Variants in BBS5 observed in about 807,000 individuals in gnomAD.
BBS5 encodes the protein BBSome complex member BBS5.
A neutral mutation model predicts 50.2 loss-of-function variants in BBS5; 39 were observed. The ratio of observed to expected loss-of-function variants is 0.78; its 90% CI spans 0.60 to 1.01. The LOEUF is 1.01. Ranked by LOEUF, BBS5 falls within the 50% of genes least tolerant of loss-of-function variation. The probability of loss-of-function intolerance (pLI) is 0.00; values close to 1 mark genes in which losing one functional copy is unlikely to be tolerated. For synonymous variants in BBS5, 134 were observed against 133.1 expected, an observed-to-expected ratio of 1.01 and a Z score of -0.05; for missense variants, 356 against 401.5, an observed-to-expected ratio of 0.89 and a Z score of 0.97.
intron 2 of BBS5, among the ~76,000 whole-genome samples, chr2:169,485,106 G>C (rs1683466921): frequency 6.6e-6 from 1 of 152,064 alleles, no homozygotes; most frequent in African/African-American, 2.4e-5. Context: ...GGGACCGACA[G>C]AAAAATATAA....
At chr2:169,499,849 T>G (rs1683765882) in intron 9 of BBS5, among the ~76,000 whole-genome samples, 1 of 152,252 alleles carries the variant, frequency 6.6e-6, no homozygotes, top group South Asian at 2.1e-4. Context: ...CCTGCCCTTG[T>G]AGGTGGGCAG....
chr2:169,488,026 A>G lies in BBS5; in HGVS notation c.298A>G (p.Lys100Glu). Reference protein sequence around the residue: ...GQTEALYILTKCNSTRFEFIF... With the variant: ...GQTEALYILTECNSTRFEFIF... The stretch of plus-strand genomic sequence containing the variant: ...AACTGAAGCTCTCTATATACTAACA[A>G]AATGTAACAGTACTCGTTTTGAATT... Residue 100 changes from lysine to glutamate, a missense_variant, in exon 5 of 12, where the codon AAA becomes GAA. Transcript: ENST00000295240. The G allele has an allele frequency of 6.2e-7, 1 of 1,613,782 alleles. No individual in the cohort carries two copies. Among genetic ancestry groups the G allele is most frequent in the Admixed American group, 1.7e-5 (1 of 60,020 alleles).
At chr2:169,489,851 C>CTTTTTTTTTTTTTTTTTTTTTTTT (rs71003093) in intron 5 of BBS5, among the ~76,000 whole-genome samples, 7 of 65,890 alleles carry the variant, frequency 1.1e-4, no homozygotes, top group Non-Finnish European at 1.3e-4. Flanking sequence ...CATAAATTTC[C>CTTTTTTTTTTTTTTTTTTTTTTTT]TTTTTTTTTT....
chr2:169,503,906 CTTGTT>C (rs1683854588), intron 10 of BBS5, among the ~76,000 whole-genome samples: 1 of 152,166 alleles, frequency 6.6e-6, no homozygotes, highest in Admixed American at 6.5e-5. Flanking sequence ...CATTGAAGTA[CTTGTT>C]TTGTTTTGCC....
Position 169,499,560 on chromosome 2 carries a change from A to C in BBS5, c.756A>C (p.Ser252=). 4 of 1,613,680 alleles carry C rather than the reference A, an allele frequency of 2.5e-6. No homozygotes were observed. The African/African-American group carries it at 4.0e-5, about 16-fold the overall frequency. Residue 252 remains serine, a synonymous_variant, in exon 9 of 12, where the codon TCA becomes TCC. Coordinates refer to ENST00000295240, the MANE Select transcript of BBS5 (RefSeq NM_152384.3). The part of the protein sequence containing the change: ...KLQESVKEIN[S]LHKVYSASPI... ...AAGAATCAGTTAAGGAAATCAATTC[A>C]CTTCACAAAGTCTATTCTGCCAGTC...
intron 10 of BBS5, among the ~76,000 whole-genome samples, chr2:169,503,441 C>T (rs920374915): frequency 3.3e-5 from 5 of 151,968 alleles, no homozygotes; most frequent in Admixed American, 2.0e-4. Context: ...AGGCTGATCG[C>T]TTGAGAGGAT....
At chr2:169,498,695 CT>C (rs1208952898) in intron 8 of BBS5, among the ~76,000 whole-genome samples, 12 of 151,730 alleles carry the variant, frequency 7.9e-5, no homozygotes, top group African/African-American at 2.9e-4. Flanking sequence ...GTCCCAGCTA[CT>C]CCGGAGAGGC....
At position 169,505,953 on chromosome 2, in the gene BBS5, TG is replaced by T. The variant is rs376640677; in HGVS notation, c.*1378del. ...CCAGCCACCCCGTCCGGGAGGGAGGTGGGGGGGTCAGCCCCCCGCCCGGCCA... is the reference window on the plus strand; with the variant it reads ...CCAGCCACCCCGTCCGGGAGGGAGGTGGGGGGTCAGCCCCCCGCCCGGCCA... On this transcript the variant is annotated 3_prime_UTR_variant, in exon 12 of 12. Coordinates refer to ENST00000295240, the MANE Select transcript of BBS5 (RefSeq NM_152384.3). The T allele has an allele frequency of 6.9e-3, 336 of 49,046 alleles. 1 individual carries two copies. The highest frequency in any genetic ancestry group is 0.025 in the Middle Eastern group (1 of 40). The allele number at this position is 49,046 out of a possible 1,614,324, so 3.0% of individuals were successfully genotyped here.
At chr2:169,490,282 C>T (rs1372515408) in intron 5 of BBS5, among the ~76,000 whole-genome samples, 1 of 149,378 alleles carries the variant, frequency 6.7e-6, no homozygotes, top group African/African-American at 2.5e-5. Context: ...CAAGCTCCGC[C>T]TCCCGGGTTC....
At chr2:169,490,182 T>C (rs952836623) in intron 5 of BBS5, among the ~76,000 whole-genome samples, 65 of 143,084 alleles carry the variant, frequency 4.5e-4, no homozygotes, top group Non-Finnish European at 8.2e-4. Flanking sequence ...GCCAATGAAA[T>C]GTGCATTTTT....
chr2:169,497,815 T>C (rs530030140), intron 8 of BBS5, 126 bp downstream of exon 8: 31 of 673,266 alleles, frequency 4.6e-5, no homozygotes, highest in South Asian at 2.7e-4. Flanking sequence ...TATGAAGTTA[T>C]ATATGAAGTG....
intron 10 of BBS5, among the ~76,000 whole-genome samples, chr2:169,503,635 A>G (rs888440112): frequency 2.6e-5 from 4 of 152,256 alleles, no homozygotes; most frequent in African/African-American, 7.2e-5. Context: ...TTTAAAATCT[A>G]TACTTAATTT....
intron 5 of BBS5, among the ~76,000 whole-genome samples, chr2:169,490,032 C>A (rs1184652767): frequency 1.3e-5 from 2 of 150,130 alleles, no homozygotes; most frequent in African/African-American, 4.9e-5. Context: ...CCCACCACCA[C>A]GCCTGGCTAA....
At chr2:169,482,359 A>G (rs751205505) in intron 2 of BBS5, 26 bp downstream of exon 2, 146 of 1,366,574 alleles carry the variant, frequency 1.1e-4, no homozygotes, top group Non-Finnish European at 1.5e-4. Flanking sequence ...AATGTATCTT[A>G]TATTCCTGGT....
At chr2:169,500,989 A>G (rs1683791173) in intron 9 of BBS5, among the ~76,000 whole-genome samples, 1 of 152,084 alleles carries the variant, frequency 6.6e-6, no homozygotes, top group South Asian at 2.1e-4. Context: ...GGTTCCAAAT[A>G]CCCTTGAATA....
At chr2:169,489,187 G>A (rs538643216) in intron 5 of BBS5, among the ~76,000 whole-genome samples, 16 of 152,168 alleles carry the variant, frequency 1.1e-4, no homozygotes, top group South Asian at 4.1e-4. Flanking sequence ...AGAGCCAGAC[G>A]TGGTGGCGCA....
At chr2:169,501,355 T>A (rs1259115931) in intron 9 of BBS5, among the ~76,000 whole-genome samples, 1 of 152,166 alleles carries the variant, frequency 6.6e-6, no homozygotes, top group Non-Finnish European at 1.5e-5. Context: ...ACAAGCATGG[T>A]CCTTAGAACC....
intron 5 of BBS5, among the ~76,000 whole-genome samples, chr2:169,491,228 G>C (rs1683596869): frequency 6.6e-6 from 1 of 152,080 alleles, no homozygotes; most frequent in Non-Finnish European, 1.5e-5. Flanking sequence ...GAAATGAAAA[G>C]TTCTAAATGG....
At chr2:169,482,449 A>T (rs1051998135) in intron 2 of BBS5, 116 bp downstream of exon 2, 4 of 796,556 alleles carry the variant, frequency 5.0e-6, no homozygotes, top group Non-Finnish European at 2.2e-6. Context: ...TGAGAATAGG[A>T]GAGTTAAATT....
Sources: gnomAD v4.1 joint callset for allele counts (sites outside exome capture counted in the v4.1 genomes callset) on GRCh38, gnomAD v4.1.1 for gene constraint, MANE v1.5 for transcripts, NCBI Gene and HGNC (gene_info 2026-07-23, HGNC 2026-07-21) for gene names.